PRDM5: variants seen among roughly 807,000 people sequenced by gnomAD.
The protein encoded by PRDM5 is PR/SET domain 5.
In PRDM5, 56 loss-of-function variants were observed where a neutral mutation model predicts 81.2. The observed-to-expected ratio is 0.69, with a 90% confidence interval of 0.56 to 0.86. The LOEUF (loss-of-function observed/expected upper bound fraction) is 0.86. Ranked by LOEUF, PRDM5 falls within the 40% of genes least tolerant of loss-of-function variation. PRDM5 has a pLI of 0.00. For synonymous variants in PRDM5, 267 were observed against 256.4 expected, an observed-to-expected ratio of 1.04 and a Z score of -0.39; for missense variants, 697 against 770.1, an observed-to-expected ratio of 0.91 and a Z score of 1.12.
intron 2 of PRDM5, among the ~76,000 whole-genome samples, chr4:120,883,952 G>A (rs149492244): frequency 2.6e-5 from 4 of 152,196 alleles, no homozygotes; most frequent in Admixed American, 2.6e-4. Flanking sequence ...TAAATATACT[G>A]AAAACTAATG....
At chr4:120,710,232 C>T in intron 15 of PRDM5, 77 bp downstream of exon 15, 1 of 1,202,912 alleles carries the variant, frequency 8.3e-7, no homozygotes, top group Non-Finnish European at 1.2e-6. Flanking sequence ...CACACACACA[C>T]ACACACATAC....
chr4:120,831,075 AT>A (rs1199594941), intron 3 of PRDM5, among the ~76,000 whole-genome samples: 5 of 151,966 alleles, frequency 3.3e-5, no homozygotes, highest in Admixed American at 1.3e-4. Context: ...TTGAAAAAAA[AT>A]ATATATACTT....
At chr4:120,746,376 A>C (rs1478633888) in intron 14 of PRDM5, among the ~76,000 whole-genome samples, 3 of 146,960 alleles carry the variant, frequency 2.0e-5, no homozygotes, top group Non-Finnish European at 4.5e-5. Flanking sequence ...GGCATGGGCA[A>C]GGACTTCATG....
intron 14 of PRDM5, among the ~76,000 whole-genome samples, chr4:120,744,857 G>C (rs1442085019): frequency 1.4e-5 from 2 of 138,958 alleles, no homozygotes; most frequent in Non-Finnish European, 3.1e-5. Flanking sequence ...GAGGTACAAG[G>C]AGGAACTGGT....
intron 2 of PRDM5, among the ~76,000 whole-genome samples, chr4:120,877,352 T>C (rs1470733843): frequency 6.6e-6 from 1 of 152,202 alleles, no homozygotes; most frequent in Non-Finnish European, 1.5e-5. Context: ...AACTGAATAA[T>C]CAAAGTAACA....
rs1414408921 is a variant in PRDM5, at chr4:120,710,304, C to A, written c.1728+5G>T. On this transcript the variant is annotated splice_donor_5th_base_variant and intron_variant, in intron 15 of 15. Coordinates refer to ENST00000264808, the MANE Select transcript of PRDM5 (RefSeq NM_018699.4). Reference sequence around the variant, plus strand: ...ACACTATGGGGGAAAAAAATCCAAACTCACATCACACTGAAAAGGCTTTTC... The same window carrying A: ...ACACTATGGGGGAAAAAAATCCAAAATCACATCACACTGAAAAGGCTTTTC... 6.2e-7 allele frequency: 1 copy of A among 1,613,582 alleles called. No individual in the cohort carries two copies. The highest frequency in any genetic ancestry group is 1.3e-5 in the African/African-American group (1 of 74,992).
At chr4:120,712,882 G>C (rs139682946) in intron 14 of PRDM5, among the ~76,000 whole-genome samples, 4 of 152,246 alleles carry the variant, frequency 2.6e-5, no homozygotes, top group African/African-American at 4.8e-5. Context: ...GTTATTCCCA[G>C]TTGTTCACTC....
intron 2 of PRDM5, among the ~76,000 whole-genome samples, chr4:120,870,246 G>A (rs946242429): frequency 6.6e-6 from 1 of 152,276 alleles, no homozygotes; most frequent in East Asian, 1.9e-4. Context: ...GCCATATGAT[G>A]ATTTTATGAC....
intron 1 of PRDM5, among the ~76,000 whole-genome samples, chr4:120,921,014 A>G (rs1724841970): frequency 1.3e-5 from 2 of 152,206 alleles, no homozygotes; most frequent in Admixed American, 6.5e-5. Flanking sequence ...AAAAATCTAT[A>G]TGGTAATATA....
At chr4:120,826,378 C>G (rs1369594704) in intron 3 of PRDM5, among the ~76,000 whole-genome samples, 1 of 152,128 alleles carries the variant, frequency 6.6e-6, no homozygotes, top group East Asian at 1.9e-4. Flanking sequence ...CTACTAAATT[C>G]ATGTAGGAAC....
chr4:120,807,061 A>G (rs1753085587), intron 8 of PRDM5, among the ~76,000 whole-genome samples: 1 of 152,244 alleles, frequency 6.6e-6, no homozygotes, highest in African/African-American at 2.4e-5. Flanking sequence ...ACACTTCTCA[A>G]AAGAAGAGAT....
chr4:120,889,230 GT>G (rs1403707113), intron 2 of PRDM5, among the ~76,000 whole-genome samples: 8 of 152,012 alleles, frequency 5.3e-5, no homozygotes, highest in Non-Finnish European at 1.2e-4. Context: ...ATAATATTAA[GT>G]TGATTTTTCA....
intron 2 of PRDM5, among the ~76,000 whole-genome samples, chr4:120,897,980 C>G (rs1764837251): frequency 6.6e-6 from 1 of 152,114 alleles, no homozygotes; most frequent in African/African-American, 2.4e-5. Context: ...TGATATGGTC[C>G]TATCTCTTCA....
downstream of PRDM5, among the ~76,000 whole-genome samples, chr4:120,688,499 T>C (rs757442476): frequency 2.0e-5 from 3 of 152,172 alleles, no homozygotes; most frequent in Non-Finnish European, 2.9e-5. Flanking sequence ...CATTTGTCTA[T>C]TTTTGCTTTT....
intron 13 of PRDM5, among the ~76,000 whole-genome samples, chr4:120,769,605 T>C (rs1474159434): frequency 6.6e-6 from 1 of 152,188 alleles, no homozygotes; most frequent in Non-Finnish European, 1.5e-5. Context: ...GTGAGCCTTT[T>C]TATCAATTGT....
At chr4:120,687,157 T>C (rs1225520358), downstream of PRDM5, among the ~76,000 whole-genome samples, 1 of 152,136 alleles carries the variant, frequency 6.6e-6, no homozygotes, top group East Asian at 1.9e-4. Flanking sequence ...ATACATTTTC[T>C]TTTTTCATCT....
intron 14 of PRDM5, among the ~76,000 whole-genome samples, chr4:120,740,916 A>G (rs1271064493): frequency 1.3e-5 from 2 of 152,216 alleles, no homozygotes; most frequent in Non-Finnish European, 2.9e-5. Context: ...TTCAACATGT[A>G]TCCTCAAACT....
At chr4:120,836,313 C>T (rs142227405) in intron 3 of PRDM5, among the ~76,000 whole-genome samples, 118 of 152,098 alleles carry the variant, frequency 7.8e-4, no homozygotes, top group African/African-American at 2.7e-3. Flanking sequence ...ATCATCTTTC[C>T]TAATATTCCA....
intron 3 of PRDM5, among the ~76,000 whole-genome samples, chr4:120,831,621 A>AG (rs1756723568): frequency 6.6e-6 from 1 of 152,126 alleles, no homozygotes; most frequent in Non-Finnish European, 1.5e-5. Context: ...CAATTATAAA[A>AG]GGGGAAAATC....
Sources: gnomAD v4.1 joint callset for allele counts (sites outside exome capture counted in the v4.1 genomes callset) on GRCh38, gnomAD v4.1.1 for gene constraint, MANE v1.5 for transcripts, NCBI Gene and HGNC (gene_info 2026-07-23, HGNC 2026-07-21) for gene names.